The following EPHA4 variants were observed in gnomAD, a reference collection of about 807,000 sequenced individuals.
EPHA4 encodes the protein EPH receptor A4, also known as ephrin type-A receptor 4.
In EPHA4, 19 loss-of-function variants were observed where a neutral mutation model predicts 108.3. The ratio of observed to expected loss-of-function variants is 0.18; its 90% CI spans 0.12 to 0.26. The LOEUF is 0.26. EPHA4 is among the 10% of genes least tolerant of loss of function. The probability of loss-of-function intolerance (pLI) is 1.00; values close to 1 mark genes in which losing one functional copy is unlikely to be tolerated. For synonymous variants in EPHA4, 449 were observed against 455.5 expected (o/e 0.99, Z 0.18); for missense variants, 917 against 1,254.0 (o/e 0.73, Z 4.06).
At chr2:221,555,752 C>T (rs994454724) in intron 3 of EPHA4, among the ~76,000 whole-genome samples, 1 of 152,162 alleles carries the variant, frequency 6.6e-6, no homozygotes, top group East Asian at 1.9e-4. Flanking sequence ...TTCCTTCTCA[C>T]GAGCACAGTA....
chr2:221,519,121 A>T (rs1693082950), intron 3 of EPHA4, among the ~76,000 whole-genome samples: 1 of 152,202 alleles, frequency 6.6e-6, no homozygotes, highest in African/African-American at 2.4e-5. Context: ...ACACCCTCCC[A>T]CATACAATTC....
chr2:221,552,039 C>T (rs1185469603), intron 3 of EPHA4, among the ~76,000 whole-genome samples: 1 of 152,098 alleles, frequency 6.6e-6, no homozygotes, highest in Admixed American at 6.5e-5. Context: ...CAATCTCTCC[C>T]ATTAGTTAAT....
intron 5 of EPHA4, among the ~76,000 whole-genome samples, chr2:221,465,456 G>A (rs910293090): frequency 2.0e-5 from 3 of 152,130 alleles, no homozygotes; most frequent in South Asian, 4.1e-4. Context: ...TAGCCTTCAC[G>A]TTAATTGTTT....
chr2:221,553,333 G>A (rs920781112), intron 3 of EPHA4, among the ~76,000 whole-genome samples: 3 of 152,194 alleles, frequency 2.0e-5, no homozygotes, highest in Non-Finnish European at 4.4e-5. Context: ...TCCTAATGAA[G>A]AATCCACTGT....
intron 9 of EPHA4, among the ~76,000 whole-genome samples, chr2:221,445,589 GAAAAAAAAA>G (rs35067500): frequency 1.1e-5 from 1 of 88,426 alleles, no homozygotes; most frequent in Non-Finnish European, 2.2e-5. Context: ...GACTCCGTCA[GAAAAAAAAA>G]AAAAAAAAAA....
intron 3 of EPHA4, among the ~76,000 whole-genome samples, chr2:221,538,002 A>G (rs966942210): frequency 6.6e-6 from 1 of 152,218 alleles, no homozygotes; most frequent in Non-Finnish European, 1.5e-5. Flanking sequence ...TTTGCTAAAA[A>G]AAAAGGGGGG....
chr2:221,535,889 G>A (rs772053129), intron 3 of EPHA4, among the ~76,000 whole-genome samples: 3 of 152,096 alleles, frequency 2.0e-5, no homozygotes, highest in East Asian at 3.8e-4. Flanking sequence ...TCTGATGAAC[G>A]AGCCAGGGGT....
At chr2:221,434,405 C>G in intron 13 of EPHA4, 114 bp from the exon 14 acceptor site, 1 of 1,088,262 alleles carries the variant, frequency 9.2e-7, no homozygotes. Flanking sequence ...TGAGATAGCT[C>G]TCAAAACAAT....
intron 3 of EPHA4, among the ~76,000 whole-genome samples, chr2:221,514,725 A>G (rs965567375): frequency 6.6e-6 from 1 of 152,178 alleles, no homozygotes; most frequent in Non-Finnish European, 1.5e-5. Flanking sequence ...TCCGTTTCTC[A>G]TCCCAAATAT....
intron 3 of EPHA4, among the ~76,000 whole-genome samples, chr2:221,545,268 G>A (rs968559591): frequency 4.0e-5 from 6 of 151,714 alleles, no homozygotes; most frequent in Non-Finnish European, 5.9e-5. Context: ...GGGAGATCGA[G>A]ACCTTCCTGG....
At chr2:221,436,974 T>C (rs1690260945) in intron 12 of EPHA4, 87 bp downstream of exon 12, 2 of 960,996 alleles carry the variant, frequency 2.1e-6, no homozygotes, top group Non-Finnish European at 1.6e-6. Flanking sequence ...AATCCACGAA[T>C]ACCACCGAAC....
chr2:221,557,381 T>A (rs1399396480), intron 3 of EPHA4, among the ~76,000 whole-genome samples: 1 of 151,344 alleles, frequency 6.6e-6, no homozygotes, highest in African/African-American at 2.4e-5. Flanking sequence ...CATATTTCTA[T>A]CTAACAACAA....
intron 3 of EPHA4, among the ~76,000 whole-genome samples, chr2:221,540,932 CTTTTTTTTTTTT>C (rs762353327): frequency 8.3e-6 from 1 of 120,630 alleles, no homozygotes; most frequent in Non-Finnish European, 1.7e-5. Flanking sequence ...GGAAAACTGT[CTTTTTTTTTTTT>C]TTTTTTTTGA....
chr2:221,423,736 C>A (rs62178650), intron 17 of EPHA4, among the ~76,000 whole-genome samples: 23,624 of 151,606 alleles, frequency 0.16, 2,010 homozygotes, highest in African/African-American at 0.2. Flanking sequence ...TTAGAAAATA[C>A]CTTGTCTTAA....
At chr2:221,523,513 C>A (rs1266232434) in intron 3 of EPHA4, among the ~76,000 whole-genome samples, 1 of 152,060 alleles carries the variant, frequency 6.6e-6, no homozygotes, top group African/African-American at 2.4e-5. Context: ...TCTTGAACTC[C>A]CAACCTCAGG....
At chr2:221,483,828 T>C (rs1015504069) in intron 4 of EPHA4, among the ~76,000 whole-genome samples, 2 of 151,966 alleles carry the variant, frequency 1.3e-5, no homozygotes, top group Non-Finnish European at 2.9e-5. Flanking sequence ...GCAAAAAAAT[T>C]GTGACACAAA....
At chr2:221,556,439 G>A (rs1694302220) in intron 3 of EPHA4, among the ~76,000 whole-genome samples, 1 of 151,420 alleles carries the variant, frequency 6.6e-6, no homozygotes, top group African/African-American at 2.4e-5. Flanking sequence ...TGGGACTACA[G>A]GCTCACACCA....
At chr2:221,440,828 CA>C (rs1026700203) in intron 11 of EPHA4, among the ~76,000 whole-genome samples, 4 of 152,278 alleles carry the variant, frequency 2.6e-5, no homozygotes, top group Admixed American at 2.6e-4. Flanking sequence ...AAAGATTGAA[CA>C]AGTAGTCCAA....
chr2:221,502,804 T>C (rs1425285515), intron 3 of EPHA4, among the ~76,000 whole-genome samples: 2 of 152,270 alleles, frequency 1.3e-5, no homozygotes, highest in Non-Finnish European at 2.9e-5. Flanking sequence ...CAAAACTTTA[T>C]GACGTGTGGA....
Sources: allele counts gnomAD v4.1 joint callset (sites outside exome capture counted in the v4.1 genomes callset), GRCh38; gene constraint gnomAD v4.1.1; transcripts MANE v1.5; gene names NCBI Gene and HGNC (gene_info 2026-07-23, HGNC 2026-07-21).